Variants in SPATA45 observed in about 807,000 individuals in gnomAD.
SPATA45 encodes spermatogenesis-associated protein 45.
In SPATA45, 5 loss-of-function variants were observed where a neutral mutation model predicts 7.0. That is an observed-to-expected ratio of 0.71 (90% CI 0.37 to 1.50). The LOEUF is 1.50. SPATA45 is among the 40% of genes most tolerant of loss of function. SPATA45 has a pLI of 0.03. For missense variants in SPATA45, 111 were observed against 114.9 expected, an observed-to-expected ratio of 0.97 and a Z score of 0.16; for synonymous variants, 40 against 38.7, an observed-to-expected ratio of 1.03 and a Z score of -0.13.
intron 1 of SPATA45, among the ~76,000 whole-genome samples, chr1:212,838,854 C>G (rs1663632403): frequency 6.6e-6 from 1 of 151,298 alleles, no homozygotes; most frequent in Non-Finnish European, 1.5e-5. Flanking sequence ...GCGCAGGCCA[C>G]CACACCTGGC....
In SPATA45 at chr1:212,831,959, TTC is replaced by T. The variant is rs1180383553; in HGVS notation, c.278-1700_278-1699del. 1.3e-5 allele frequency among the ~76,000 whole-genome samples: 2 copies of T among 150,964 alleles called. 1 individual carries two copies. The highest frequency in any genetic ancestry group is 3.0e-5 in the Non-Finnish European group (2 of 67,570). On this transcript the variant is annotated intron_variant, in intron 2 of 2. Coordinates refer to ENST00000332912, the MANE Select transcript of SPATA45 (RefSeq NM_001024601.3). Reference sequence around the variant, plus strand: ...ACTTCCTATCCCCCACCCTGCTGTTTTCTGTTTCCCCATAGCTCTTACCCATT... The same window carrying T: ...ACTTCCTATCCCCCACCCTGCTGTTTTGTTTCCCCATAGCTCTTACCCATT...
chr1:212,830,451 C>T (rs1385938757), intron 2 of SPATA45, among the ~76,000 whole-genome samples, 190 bp from the exon 3 acceptor site: 1 of 151,100 alleles, frequency 6.6e-6, no homozygotes, highest in Non-Finnish European at 1.5e-5. Flanking sequence ...GTGGGCGGAT[C>T]ACGAGGTCAG....
At chr1:212,834,992 G>T (rs1156235971) in intron 2 of SPATA45, among the ~76,000 whole-genome samples, 1 of 151,588 alleles carries the variant, frequency 6.6e-6, no homozygotes, top group African/African-American at 2.4e-5. Flanking sequence ...CACCTCCCTA[G>T]AGTCTACTGA....
intron 1 of SPATA45, among the ~76,000 whole-genome samples, chr1:212,837,269 T>C (rs1434918581): frequency 4.0e-5 from 6 of 148,596 alleles, no homozygotes; most frequent in Admixed American, 4.0e-4. Flanking sequence ...TTAAAATTAC[T>C]CTCGATCCAG....
At chr1:212,844,403 A>T (rs1031793610) in intron 1 of SPATA45, among the ~76,000 whole-genome samples, 4 of 152,068 alleles carry the variant, frequency 2.6e-5, no homozygotes, top group African/African-American at 9.7e-5. Flanking sequence ...CTGGACTTCA[A>T]TCTGGCCTCC....
intron 1 of SPATA45, among the ~76,000 whole-genome samples, chr1:212,844,780 C>T (rs183440524): frequency 6.6e-6 from 1 of 152,292 alleles, no homozygotes; most frequent in African/African-American, 2.4e-5. Flanking sequence ...GGTTTCCTCA[C>T]TACGCAAGTA....
chr1:212,830,837 C>A (rs1025869881), intron 2 of SPATA45, among the ~76,000 whole-genome samples: 1 of 151,408 alleles, frequency 6.6e-6, no homozygotes, highest in African/African-American at 2.4e-5. Context: ...CAAAAATTAG[C>A]TGGGTGTGGT....
chr1:212,844,784 G>A (rs984523604), intron 1 of SPATA45, among the ~76,000 whole-genome samples: 1 of 152,056 alleles, frequency 6.6e-6, no homozygotes, highest in South Asian at 2.1e-4. Context: ...TCCTCACTAC[G>A]CAAGTATCCT....
intron 2 of SPATA45, among the ~76,000 whole-genome samples, chr1:212,833,830 G>T (rs755195939): frequency 6.6e-6 from 1 of 151,774 alleles, no homozygotes; most frequent in Non-Finnish European, 1.5e-5. Context: ...TTCCTTCAAG[G>T]GTTTTTCCTT....
Position 212,837,006 on chromosome 1 carries a change from T to C in SPATA45, c.-38-819A>G, listed in dbSNP as rs568338475. On this transcript the variant is annotated intron_variant, in intron 1 of 2. Coordinates refer to ENST00000332912, the MANE Select transcript of SPATA45 (RefSeq NM_001024601.3). Reference sequence around the variant, plus strand: ...CTTAAGGGTTTTATTTTTTGTTTTTTAGGTGTTCTTCAGGGGAAACAAAGG... The same window carrying C: ...CTTAAGGGTTTTATTTTTTGTTTTTCAGGTGTTCTTCAGGGGAAACAAAGG... Among the ~76,000 whole-genome samples, 22 of 151,438 alleles carry C rather than the reference T, an allele frequency of 1.5e-4. 1 individual carries two copies. Among genetic ancestry groups the C allele is most frequent in the Non-Finnish European group, 2.8e-4 (19 of 67,646 alleles).
chr1:212,841,032 C>T (rs1663672884), intron 1 of SPATA45, among the ~76,000 whole-genome samples: 1 of 152,100 alleles, frequency 6.6e-6, no homozygotes, highest in Non-Finnish European at 1.5e-5. Context: ...CCCTGACTCC[C>T]TGGTTTCATG....
At chr1:212,830,967 G>C (rs1034855681) in intron 2 of SPATA45, among the ~76,000 whole-genome samples, 7 of 150,534 alleles carry the variant, frequency 4.7e-5, no homozygotes, top group Admixed American at 2.0e-4. Context: ...TGGTGACAGA[G>C]CAAGAAAAAA....
intron 1 of SPATA45, among the ~76,000 whole-genome samples, chr1:212,846,715 G>T (rs1436028037): frequency 1.3e-5 from 2 of 151,842 alleles, no homozygotes; most frequent in East Asian, 3.9e-4. Context: ...CTCCTTTTTT[G>T]GACTCGGCCC....
intron 2 of SPATA45, among the ~76,000 whole-genome samples, chr1:212,831,364 G>A (rs975831692): frequency 6.7e-5 from 10 of 150,230 alleles, no homozygotes; most frequent in Admixed American, 5.3e-4. Flanking sequence ...CCAGCTACTC[G>A]GGAGGCTGAG....
Position 212,836,162 on chromosome 1 carries a change from C to T in SPATA45, c.-13G>A, listed in dbSNP as rs1485091982. 2 of 1,588,090 alleles carry T rather than the reference C, an allele frequency of 1.3e-6. No homozygotes were observed. Among genetic ancestry groups the T allele is most frequent in the Non-Finnish European group, 1.7e-6 (2 of 1,160,226 alleles). On this transcript the variant is annotated 5_prime_UTR_variant, in exon 2 of 3. Coordinates refer to ENST00000332912, the MANE Select transcript of SPATA45 (RefSeq NM_001024601.3). ...TTATAGATGCCATTATGGTCACAAA[C>T]CAATTGTCAAGTGATTCTTGCTGTC...
At chr1:212,840,749 G>A (rs1005002943) in intron 1 of SPATA45, among the ~76,000 whole-genome samples, 8 of 150,912 alleles carry the variant, frequency 5.3e-5, no homozygotes, top group Admixed American at 4.6e-4. Flanking sequence ...TCTCGAGTAG[G>A]TGGGACTACA....
intron 2 of SPATA45, among the ~76,000 whole-genome samples, chr1:212,831,706 C>T (rs1663490983): frequency 6.6e-6 from 1 of 151,276 alleles, no homozygotes; most frequent in Admixed American, 6.6e-5. Context: ...TCACCCAGAA[C>T]TCCAAATACT....
chr1:212,833,073 C>T (rs1358444147), intron 2 of SPATA45, among the ~76,000 whole-genome samples: 1 of 151,440 alleles, frequency 6.6e-6, no homozygotes, highest in Admixed American at 6.6e-5. Context: ...AGGAGTGCTG[C>T]TTAGATAGGG....
intron 2 of SPATA45, among the ~76,000 whole-genome samples, chr1:212,830,930 CCGAGAT>C (rs1248708771): frequency 2.0e-5 from 3 of 151,098 alleles, no homozygotes; most frequent in African/African-American, 4.8e-5. Context: ...TTGCAGTGAG[CCGAGAT>C]CGCAACACTG....
Sources: gnomAD v4.1 joint callset for allele counts (sites outside exome capture counted in the v4.1 genomes callset) on GRCh38, gnomAD v4.1.1 for gene constraint, MANE v1.5 for transcripts, NCBI Gene and HGNC (gene_info 2026-07-23, HGNC 2026-07-21) for gene names.